The following LRRTM4 variants were observed in gnomAD, a reference collection of about 807,000 sequenced individuals.
LRRTM4 encodes the protein leucine rich repeat transmembrane neuronal 4.
In LRRTM4, 25 loss-of-function variants were observed where a neutral mutation model predicts 47.6. That is an observed-to-expected ratio of 0.53 (90% CI 0.38 to 0.73). The LOEUF is 0.73. LRRTM4 is among the 30% of genes least tolerant of loss of function. The pLI, the probability that LRRTM4 is intolerant of heterozygous loss-of-function variation, is 0.00. For missense variants in LRRTM4, 638 were observed against 713.4 expected, an observed-to-expected ratio of 0.89 and a Z score of 1.20; for synonymous variants, 311 against 269.5, an observed-to-expected ratio of 1.15 and a Z score of -1.51.
chr2:76,858,846 T>A (rs1237999879), intron 3 of LRRTM4, among the ~76,000 whole-genome samples: 1 of 152,164 alleles, frequency 6.6e-6, no homozygotes, highest in Non-Finnish European at 1.5e-5. Flanking sequence ...TAGATCTGAG[T>A]CAACATTTAC....
chr2:76,827,710 A>G (rs1671226993), intron 3 of LRRTM4, among the ~76,000 whole-genome samples: 1 of 151,932 alleles, frequency 6.6e-6, no homozygotes, highest in African/African-American at 2.4e-5. Context: ...TATATTGAGT[A>G]CTGATAAGAT....
intron 3 of LRRTM4, among the ~76,000 whole-genome samples, chr2:77,342,082 C>T (rs891664680): frequency 9.2e-5 from 14 of 151,950 alleles, no homozygotes; most frequent in African/African-American, 2.4e-4. Context: ...TTTTGCTATA[C>T]CAATGTGCTA....
chr2:77,328,052 A>G lies in LRRTM4; in HGVS notation c.1551+190266T>C, dbSNP rs574164348. On this transcript the variant is annotated intron_variant, in intron 3 of 3. Transcript: ENST00000409884. ...CAACTGGAATCCACCTTTTATCAAA[A>G]TACGTGTGTTGAGAGACATGGCATT... 7.9e-5 allele frequency among the ~76,000 whole-genome samples: 12 copies of G among 152,290 alleles called. No homozygotes were observed. The East Asian group carries it at 2.1e-3, about 27-fold the overall frequency.
At chr2:77,030,009 T>C (rs1258701907) in intron 3 of LRRTM4, among the ~76,000 whole-genome samples, 3 of 152,224 alleles carry the variant, frequency 2.0e-5, no homozygotes, top group Non-Finnish European at 4.4e-5. Flanking sequence ...GCCCATGGAA[T>C]GTGCAAAACA....
intron 3 of LRRTM4, among the ~76,000 whole-genome samples, chr2:77,500,718 G>A (rs952348951): frequency 2.6e-5 from 4 of 151,228 alleles, no homozygotes; most frequent in African/African-American, 9.7e-5. Flanking sequence ...AAAAAATAAC[G>A]CAATTCCAAT....
At chr2:76,751,221 A>T (rs1458814078) in intron 3 of LRRTM4, among the ~76,000 whole-genome samples, 1 of 152,160 alleles carries the variant, frequency 6.6e-6, no homozygotes, top group African/African-American at 2.4e-5. Context: ...ATTCACTTCT[A>T]TTAACTTGTA....
At chr2:77,011,623 C>G (rs1426478912) in intron 3 of LRRTM4, among the ~76,000 whole-genome samples, 1 of 150,832 alleles carries the variant, frequency 6.6e-6, no homozygotes, top group Non-Finnish European at 1.5e-5. Flanking sequence ...CTGAAACATA[C>G]ATATGATTTC....
At chr2:76,756,337 C>T (rs114698071) in intron 3 of LRRTM4, among the ~76,000 whole-genome samples, 1 of 152,226 alleles carries the variant, frequency 6.6e-6, no homozygotes, top group African/African-American at 2.4e-5. Flanking sequence ...CAATGAATGA[C>T]CTCCATGTAT....
At chr2:77,427,942 T>C (rs956620079) in intron 3 of LRRTM4, among the ~76,000 whole-genome samples, 1 of 152,212 alleles carries the variant, frequency 6.6e-6, no homozygotes. Context: ...TCTTGAATTG[T>C]AGTTCCCATA....
intron 3 of LRRTM4, among the ~76,000 whole-genome samples, chr2:77,050,465 T>C (rs1324706216): frequency 6.6e-6 from 1 of 152,182 alleles, no homozygotes; most frequent in African/African-American, 2.4e-5. Context: ...GACTTGAAGC[T>C]TGAATCTATG....
chr2:77,502,729 G>A (rs1678619952), intron 3 of LRRTM4, among the ~76,000 whole-genome samples: 2 of 151,598 alleles, frequency 1.3e-5, no homozygotes, highest in African/African-American at 4.8e-5. Context: ...TATGAAAAAG[G>A]AGGGATAATC....
chr2:77,300,503 T>G (rs534502020), intron 3 of LRRTM4, among the ~76,000 whole-genome samples: 3 of 152,154 alleles, frequency 2.0e-5, no homozygotes, highest in Non-Finnish European at 4.4e-5. Context: ...AATTCTTTAT[T>G]TGTAATATAG....
chr2:77,253,485 AATG>A (rs1675678504), intron 3 of LRRTM4, among the ~76,000 whole-genome samples: 1 of 152,106 alleles, frequency 6.6e-6, no homozygotes, highest in East Asian at 1.9e-4. Flanking sequence ...ACTATATTTA[AATG>A]ATATCTAGAG....
At chr2:77,019,251 T>TATA (rs1206513294) in intron 3 of LRRTM4, among the ~76,000 whole-genome samples, 3 of 37,218 alleles carry the variant, frequency 8.1e-5, no homozygotes, top group African/African-American at 5.1e-4. Flanking sequence ...GTCACTGCTC[T>TATA]ACAAAAAAAA....
chr2:76,959,696 G>A (rs1298124466), intron 3 of LRRTM4, among the ~76,000 whole-genome samples: 1 of 151,670 alleles, frequency 6.6e-6, no homozygotes, highest in African/African-American at 2.4e-5. Flanking sequence ...ATTGGCTACG[G>A]AATTTAAAGA....
chr2:77,016,540 T>C (rs1023729088), intron 3 of LRRTM4, among the ~76,000 whole-genome samples: 1 of 152,176 alleles, frequency 6.6e-6, no homozygotes, highest in African/African-American at 2.4e-5. Flanking sequence ...ACAATCATGT[T>C]GCCTTATATC....
At chr2:76,795,389 A>G (rs1675225932) in intron 3 of LRRTM4, among the ~76,000 whole-genome samples, 1 of 152,180 alleles carries the variant, frequency 6.6e-6, no homozygotes, top group Non-Finnish European at 1.5e-5. Flanking sequence ...ACAATTAACA[A>G]AAAGTCTATA....
intron 3 of LRRTM4, among the ~76,000 whole-genome samples, chr2:77,042,835 C>T (rs1470132588): frequency 2.6e-5 from 4 of 151,734 alleles, no homozygotes; most frequent in East Asian, 1.9e-4. Flanking sequence ...AACCAACTTT[C>T]TGACCTCTCC....
At chr2:76,905,093 C>T (rs550336992) in intron 3 of LRRTM4, among the ~76,000 whole-genome samples, 1 of 152,262 alleles carries the variant, frequency 6.6e-6, no homozygotes, top group Admixed American at 6.5e-5. Context: ...AACTAGGAGG[C>T]ACCCCCCAGT....
Sources: gnomAD v4.1 joint callset for allele counts (sites outside exome capture counted in the v4.1 genomes callset) on GRCh38, gnomAD v4.1.1 for gene constraint, MANE v1.5 for transcripts, NCBI Gene and HGNC (gene_info 2026-07-23, HGNC 2026-07-21) for gene names.